KIF26B: variants seen among roughly 807,000 people sequenced by gnomAD.
KIF26B encodes the protein kinesin-like protein KIF26B.
A neutral mutation model predicts 151.2 loss-of-function variants in KIF26B; 63 were observed. The observed-to-expected ratio is 0.42, with a 90% CI of 0.34 to 0.51. The LOEUF is 0.51. Among genes scored for constraint, KIF26B ranks in the 20% least tolerant of loss-of-function variants. The pLI is 0.07. For missense variants in KIF26B, 2,813 were observed against 2,913.6 expected (o/e 0.97, Z 0.79); for synonymous variants, 1,357 against 1,262.1 (o/e 1.08, Z -1.59).
intron 4 of KIF26B, among the ~76,000 whole-genome samples, chr1:245,449,972 T>C (rs1387615535): frequency 6.6e-6 from 1 of 152,200 alleles, no homozygotes; most frequent in Admixed American, 6.5e-5. Context: ...AATGTCCATA[T>C]GTGGTAGATG....
At position 245,667,578 on chromosome 1, in the gene KIF26B, G is replaced by A. The variant is rs1421156425; in HGVS notation, c.2259-16655G>A. 5.3e-5 allele frequency among the ~76,000 whole-genome samples: 8 copies of A among 152,336 alleles called. No homozygotes were observed. Among genetic ancestry groups the A allele is most frequent in the African/African-American group, 1.9e-4 (8 of 41,588 alleles). On this transcript the variant is annotated intron_variant, in intron 10 of 14. Transcript: ENST00000407071. The surrounding 1 kb of genome is among the most constrained non-coding windows in gnomAD (Gnocchi z 4.3). Reference sequence around the variant, plus strand: ...GAAGCTGGAGACTTCTTGTGATGGAGAGGTACACCCAGTAGATACTTATTT... The same window carrying A: ...GAAGCTGGAGACTTCTTGTGATGGAAAGGTACACCCAGTAGATACTTATTT...
At chr1:245,374,080 A>ATATATATAT (rs1673197522) in intron 3 of KIF26B, among the ~76,000 whole-genome samples, 1 of 32,732 alleles carries the variant, frequency 3.1e-5, no homozygotes, top group Non-Finnish European at 5.2e-5. Context: ...AAAAAAAAAA[A>ATATATATAT]AAAAAAAAAA....
intron 2 of KIF26B, among the ~76,000 whole-genome samples, chr1:245,256,010 A>G (rs907015): frequency 0.5 from 75,554 of 151,990 alleles, 19,230 homozygotes; most frequent in East Asian, 0.6. Context: ...AAGCCACTGT[A>G]AGGAAGTTTT....
At chr1:245,691,064 T>C (rs2044619467) in intron 12 of KIF26B, among the ~76,000 whole-genome samples, 1 of 152,232 alleles carries the variant, frequency 6.6e-6, no homozygotes, top group Admixed American at 6.5e-5. Flanking sequence ...CCACGTGTGT[T>C]TCAGTGTCCC....
At position 245,686,994 on chromosome 1, in the gene KIF26B, C is replaced by T. The variant is rs114792430; in HGVS notation, c.4011C>T (p.Pro1337=). ...VVCREKPKAS[P]DNLLILSEMG... ...GCAGAGAGAAGCCCAAGGCCAGCCC[C>T]GACAACTTGCTCATCCTGTCTGAGA... The change falls in exon 12 of 15, where the codon CCC becomes CCT. Residue 1337 remains proline (P), a synonymous_variant. Transcript: ENST00000407071. This position sits in a 1 kb window ranked among gnomAD's most constrained non-coding sequence, Gnocchi z 5.6. 6.4e-3 allele frequency: 10,331 copies of T among 1,613,544 alleles called. 52 individuals are homozygous for T. The highest frequency in any genetic ancestry group is 7.8e-3 in the Non-Finnish European group (9,209 of 1,179,820).
Position 245,170,121 on chromosome 1 carries a change from C to T in KIF26B, c.465+13438C>T, listed in dbSNP as rs911388174. Reference sequence around the variant, plus strand: ...AGGAAGAGGATGATAGAGGATGGGACGGTGGTGACAAATGGCGGGATGGGA... The same window carrying T: ...AGGAAGAGGATGATAGAGGATGGGATGGTGGTGACAAATGGCGGGATGGGA... On this transcript the variant is annotated intron_variant, in intron 2 of 14. Transcript: ENST00000407071. This position sits in a 1 kb window ranked among gnomAD's most constrained non-coding sequence, Gnocchi z 4.4. Among the ~76,000 whole-genome samples, 3 of 152,048 alleles carry T rather than the reference C, an allele frequency of 2.0e-5. No individual in the cohort carries two copies. Among genetic ancestry groups the T allele is most frequent in the Admixed American group, 6.6e-5 (1 of 15,252 alleles).
At chr1:245,308,933 G>T (rs1187154856) in intron 2 of KIF26B, among the ~76,000 whole-genome samples, 1 of 152,224 alleles carries the variant, frequency 6.6e-6, no homozygotes. Flanking sequence ...CTTCTCAACA[G>T]ACAGTGGGTA....
intron 5 of KIF26B, among the ~76,000 whole-genome samples, chr1:245,543,688 G>A (rs1245699105): frequency 2.6e-5 from 4 of 152,304 alleles, no homozygotes; most frequent in Admixed American, 1.3e-4. Flanking sequence ...GGTGGCTCAC[G>A]CCTGTAATCC....
At chr1:245,292,390 G>C (rs1671267329) in intron 2 of KIF26B, among the ~76,000 whole-genome samples, 1 of 152,130 alleles carries the variant, frequency 6.6e-6, no homozygotes, top group South Asian at 2.1e-4. Flanking sequence ...TGGGCTGGCT[G>C]GCTGGCAAGG....
intron 2 of KIF26B, among the ~76,000 whole-genome samples, chr1:245,346,723 T>A (rs1672464875): frequency 6.6e-6 from 1 of 152,158 alleles, no homozygotes; most frequent in African/African-American, 2.4e-5. Flanking sequence ...GATAATGCAG[T>A]CATTATCTGT....
At chr1:245,494,975 G>A (rs1388315204) in intron 4 of KIF26B, among the ~76,000 whole-genome samples, 1 of 152,104 alleles carries the variant, frequency 6.6e-6, no homozygotes, top group African/African-American at 2.4e-5. Flanking sequence ...GGGAGGTCAA[G>A]GTTGCAGTGA....
chr1:245,559,008 A>T (rs1166009552), intron 5 of KIF26B, among the ~76,000 whole-genome samples: 1 of 152,222 alleles, frequency 6.6e-6, no homozygotes. Flanking sequence ...ACTGAACACC[A>T]TCGTGTGTTT....
Position 245,584,619 on chromosome 1 carries a change from C to T in KIF26B, c.1351-17958C>T, listed in dbSNP as rs543617537. ...TAATGAGTATCATTTTGGTACGATT[C>T]CAATGAATTGTTTATTTGAGGAAAG... On this transcript the variant is annotated intron_variant, in intron 5 of 14. Coordinates refer to ENST00000407071, the MANE Select transcript of KIF26B (RefSeq NM_018012.4). Among the ~76,000 whole-genome samples the T allele has an allele frequency of 9.2e-5, 14 of 152,174 alleles. No individual in the cohort carries two copies. In the South Asian group the frequency reaches 2.5e-3, roughly 27 times the overall value.
intron 3 of KIF26B, among the ~76,000 whole-genome samples, chr1:245,396,962 C>T (rs72761161): frequency 0.025 from 2,327 of 94,244 alleles, 71 homozygotes; most frequent in African/African-American, 0.14. Flanking sequence ...ATTTCTACTC[C>T]TTTTTTTTTT....
chr1:245,686,552 T>G lies in KIF26B; in HGVS notation c.3569T>G (p.Phe1190Cys). ...CTGAACGGTGAGGACGAGCTGGTGTTCACGCTGGTGGAGGAGCTGACCATC... is the reference window on the plus strand; with the variant it reads ...CTGAACGGTGAGGACGAGCTGGTGTGCACGCTGGTGGAGGAGCTGACCATC... The part of the protein sequence containing the change: ...LELNGEDELV[F>C]TLVEELTISG... The change falls in exon 12 of 15, where the codon TTC (phenylalanine) becomes TGC (cysteine). Residue 1190 changes from phenylalanine (F) to cysteine (C), a missense_variant. By Grantham distance (205) the Phe-to-Cys change is radical. Around this residue, in one of 3 missense-constraint regions of KIF26B, gnomAD observed 2,060 missense variants for 2,088.6 expected, o/e 0.99. Coordinates refer to ENST00000407071, the MANE Select transcript of KIF26B (RefSeq NM_018012.4). The surrounding 1 kb of genome is among the most constrained non-coding windows in gnomAD (Gnocchi z 5.6). The G allele has an allele frequency of 6.2e-7, 1 of 1,613,090 alleles. No individual in the cohort carries two copies. Among genetic ancestry groups the G allele is most frequent in the African/African-American group, 1.3e-5 (1 of 75,040 alleles).
chr1:245,484,767 A>T lies in KIF26B; in HGVS notation c.1167-56000A>T, dbSNP rs201980277. Among the ~76,000 whole-genome samples the T allele has an allele frequency of 6.0e-3, 809 of 134,244 alleles. 5 individuals are homozygous for T. The highest frequency in any genetic ancestry group is 0.018 in the African/African-American group (654 of 36,652). The allele number at this position is 134,244 out of a possible 152,430, so 88.1% of individuals were successfully genotyped here. On this transcript the variant is annotated intron_variant, in intron 4 of 14. Transcript: ENST00000407071. ...CTTCCTCTTCTTCTTCTTCTTCTTCATATTATTATTATTATTATTATTATT... is the reference window on the plus strand; with the variant it reads ...CTTCCTCTTCTTCTTCTTCTTCTTCTTATTATTATTATTATTATTATTATT...
intron 2 of KIF26B, chr1:245,354,032 A>G (rs936186151): frequency 7.1e-6 from 1 of 140,598 alleles, no homozygotes; most frequent in African/African-American, 3.3e-5. Context: ...AGTGAAAACA[A>G]AAACATACAG....
intron 5 of KIF26B, among the ~76,000 whole-genome samples, chr1:245,567,236 G>A (rs943927968): frequency 5.3e-5 from 8 of 152,324 alleles, no homozygotes; most frequent in South Asian, 2.1e-4. Context: ...GCTGCCGGGT[G>A]GACTGTGACA....
At position 245,686,235 on chromosome 1, in the gene KIF26B, T is replaced by C. The variant is rs1272384109; in HGVS notation, c.3252T>C (p.Ser1084=). ...CCTCGGAGTACAAGCCACCCAGCTC[T>C]CCTTCCCAGAGATGCAAAGTCTACA... The part of the protein sequence containing the change: ...SKTSEYKPPS[S]PSQRCKVYTQ... The change falls in exon 12 of 15, where the codon TCT becomes TCC. Residue 1084 remains serine, a synonymous_variant. Coordinates refer to ENST00000407071, the MANE Select transcript of KIF26B (RefSeq NM_018012.4). The surrounding 1 kb of genome is among the most constrained non-coding windows in gnomAD (Gnocchi z 5.6). 1 of 1,612,680 alleles carries C rather than the reference T, an allele frequency of 6.2e-7. No individual in the cohort carries two copies. The highest frequency in any genetic ancestry group is 1.7e-5 in the Admixed American group (1 of 60,018).
Sources: allele counts gnomAD v4.1 joint callset (sites outside exome capture counted in the v4.1 genomes callset), GRCh38; gene constraint gnomAD v4.1.1; regional missense constraint gnomAD v4.1.1; non-coding constraint Gnocchi (gnomAD v3.1); transcripts MANE v1.5; gene names NCBI Gene and HGNC (gene_info 2026-07-23, HGNC 2026-07-21).